GUCY1A2: variants seen among roughly 807,000 people sequenced by gnomAD.
The protein encoded by GUCY1A2 is guanylate cyclase 1 soluble subunit alpha 2.
In GUCY1A2, 27 loss-of-function variants were observed where a neutral mutation model predicts 63.5. The ratio of observed to expected loss-of-function variants is 0.43; its 90% CI spans 0.31 to 0.59. The LOEUF is 0.59. GUCY1A2 is among the 20% of genes least tolerant of loss of function. The pLI is 0.11. For synonymous variants in GUCY1A2, 364 were observed against 343.5 expected (o/e 1.06, Z -0.66); for missense variants, 768 against 913.3 (o/e 0.84, Z 2.05).
chr11:106,878,415 G>A (rs1012886744), intron 4 of GUCY1A2, among the ~76,000 whole-genome samples: 1 of 151,926 alleles, frequency 6.6e-6, no homozygotes, highest in Non-Finnish European at 1.5e-5. Context: ...AGAAAATATG[G>A]TACATATATA....
At chr11:106,953,610 T>C (rs764437131) in intron 3 of GUCY1A2, among the ~76,000 whole-genome samples, 8 of 152,202 alleles carry the variant, frequency 5.3e-5, no homozygotes, top group Non-Finnish European at 5.9e-5. Context: ...AGCTCCTCTT[T>C]ATATTTCTGG....
At chr11:106,911,728 C>T (rs753617736) in intron 4 of GUCY1A2, among the ~76,000 whole-genome samples, 7 of 151,986 alleles carry the variant, frequency 4.6e-5, no homozygotes, top group Non-Finnish European at 2.9e-5. Context: ...ATGAACAATG[C>T]TTTGGAAATA....
At chr11:106,689,848 AGC>A (rs1862591333) in intron 7 of GUCY1A2, among the ~76,000 whole-genome samples, 2 of 151,978 alleles carry the variant, frequency 1.3e-5, no homozygotes, top group African/African-American at 4.8e-5. Flanking sequence ...AAAAAAAATT[AGC>A]CGGGCATGTT....
At chr11:106,925,663 C>T (rs181995693) in intron 4 of GUCY1A2, among the ~76,000 whole-genome samples, 3 of 152,212 alleles carry the variant, frequency 2.0e-5, no homozygotes, top group East Asian at 3.9e-4. Flanking sequence ...AATAAGTTAA[C>T]GGTTGGTCTG....
intron 6 of GUCY1A2, among the ~76,000 whole-genome samples, chr11:106,732,929 A>G (rs749677555): frequency 1.3e-5 from 2 of 152,198 alleles, no homozygotes; most frequent in African/African-American, 2.4e-5. Context: ...TGTCTCATTC[A>G]TCTGCTACAA....
intron 4 of GUCY1A2, among the ~76,000 whole-genome samples, chr11:106,934,511 G>A (rs768108678): frequency 3.9e-5 from 6 of 152,072 alleles, no homozygotes; most frequent in Non-Finnish European, 5.9e-5. Context: ...TTCAATCATC[G>A]CCTCAGAAAA....
At position 106,681,410 on chromosome 11, in the gene GUCY1A2, C is replaced by T. The variant is rs1452508399; in HGVS notation, c.*6139G>A. ...TATGCTCTACTTCCACTCATTTATC[C>T]ATCCTTAACTTCTTCCTTACTATTA... On this transcript the variant is annotated 3_prime_UTR_variant, in exon 8 of 8. Transcript: ENST00000526355. 1 of 225,460 alleles carries T rather than the reference C, an allele frequency of 4.4e-6. No individual in the cohort carries two copies. Among genetic ancestry groups the T allele is most frequent in the East Asian group, 6.3e-5 (1 of 15,774 alleles). The allele number at this position is 225,460 out of a possible 1,614,324, so 14.0% of individuals were successfully genotyped here.
At chr11:106,861,784 T>C (rs1317892137) in intron 4 of GUCY1A2, among the ~76,000 whole-genome samples, 1 of 151,998 alleles carries the variant, frequency 6.6e-6, no homozygotes, top group Non-Finnish European at 1.5e-5. Flanking sequence ...ATTACTCATT[T>C]AAAAAAACAC....
At chr11:106,936,752 G>A in intron 4 of GUCY1A2, 3 of 1,127,972 alleles carry the variant, frequency 2.7e-6, no homozygotes, top group East Asian at 2.6e-5. Flanking sequence ...GTGGTTCATT[G>A]GTATTAAATG....
At chr11:106,846,521 T>TA (rs1859275794) in intron 4 of GUCY1A2, among the ~76,000 whole-genome samples, 1 of 151,600 alleles carries the variant, frequency 6.6e-6, no homozygotes, top group East Asian at 1.9e-4. Context: ...AATACTAACT[T>TA]AAAAAACGAT....
chr11:106,851,023 T>C (rs1031864702), intron 4 of GUCY1A2, among the ~76,000 whole-genome samples: 1 of 152,028 alleles, frequency 6.6e-6, no homozygotes, highest in Non-Finnish European at 1.5e-5. Flanking sequence ...GTCTTTTTGA[T>C]AATAGCCATT....
At position 106,676,797 on chromosome 11, in the gene GUCY1A2, A is replaced by G. The variant is rs1249819488; in HGVS notation, c.*10752T>C. 1 of 197,138 alleles carries G rather than the reference A, an allele frequency of 5.1e-6. No individual in the cohort carries two copies. Among genetic ancestry groups the G allele is most frequent in the Non-Finnish European group, 1.1e-5 (1 of 95,184 alleles). The allele number at this position is 197,138 out of a possible 1,614,324, so 12.2% of individuals were successfully genotyped here. A position where few individuals can be genotyped will look rare whatever the true frequency, so the allele number is the denominator to read the frequency against. On this transcript the variant is annotated 3_prime_UTR_variant, in exon 8 of 8. Transcript: ENST00000526355. ...TTTAGCAGTGTGGTACTCACATAAA[A>G]AAAAATGACTACTTGAAAATAAGAG... is the stretch of plus-strand genomic sequence containing the variant.
Position 107,004,188 on chromosome 11 carries a change from G to A in GUCY1A2, c.303+13565C>T, listed in dbSNP as rs76506664. ...GGGCATCTAGGCAGTGAATCATGAC[G>A]TCCACCACATTCACCAAAGCTTGAA... On this transcript the variant is annotated intron_variant, in intron 1 of 7. Transcript: ENST00000526355. Among the ~76,000 whole-genome samples the A allele has an allele frequency of 4.3e-3, 651 of 152,202 alleles. 2 individuals carry two copies. Among genetic ancestry groups the A allele is most frequent in the African/African-American group, 0.015 (612 of 41,522 alleles).
At chr11:106,914,478 G>A (rs1860341891) in intron 4 of GUCY1A2, among the ~76,000 whole-genome samples, 1 of 152,020 alleles carries the variant, frequency 6.6e-6, no homozygotes, top group Non-Finnish European at 1.5e-5. Flanking sequence ...ACTTGGCTTG[G>A]TGTTTCTATG....
chr11:106,918,861 T>C (rs1026949468), intron 4 of GUCY1A2, among the ~76,000 whole-genome samples: 1 of 152,132 alleles, frequency 6.6e-6, no homozygotes, highest in Non-Finnish European at 1.5e-5. Context: ...GCCAATAAAA[T>C]CTTGATTTAT....
intron 4 of GUCY1A2, among the ~76,000 whole-genome samples, chr11:106,896,504 T>C (rs1404618945): frequency 6.6e-6 from 1 of 152,202 alleles, no homozygotes; most frequent in Non-Finnish European, 1.5e-5. Context: ...TTGAATAATG[T>C]GGTCCTCTCC....
chr11:106,926,027 T>C (rs1196528290), intron 4 of GUCY1A2, among the ~76,000 whole-genome samples: 10 of 152,138 alleles, frequency 6.6e-5, no homozygotes, highest in Non-Finnish European at 1.3e-4. Context: ...TAAAAGTAAA[T>C]AGAGTGTAAG....
chr11:106,837,867 G>C (rs1859138201), intron 4 of GUCY1A2, among the ~76,000 whole-genome samples: 1 of 151,804 alleles, frequency 6.6e-6, no homozygotes, highest in East Asian at 1.9e-4. Flanking sequence ...GAATCCCCTT[G>C]CTATTTATGT....
intron 5 of GUCY1A2, among the ~76,000 whole-genome samples, chr11:106,781,112 CAAAAA>C (rs565279937): frequency 0.049 from 4,336 of 88,978 alleles, 77 homozygotes; most frequent in East Asian, 0.14. Flanking sequence ...AAACAGACTA[CAAAAA>C]AAAAAAAAAA....
Sources: allele counts gnomAD v4.1 joint callset (sites outside exome capture counted in the v4.1 genomes callset), GRCh38; gene constraint gnomAD v4.1.1; transcripts MANE v1.5; gene names NCBI Gene and HGNC (gene_info 2026-07-23, HGNC 2026-07-21).